STAB2: variants seen among roughly 807,000 people sequenced by gnomAD.
STAB2 encodes the protein stabilin 2, also known as stabilin-2.
A neutral mutation model predicts 338.1 loss-of-function variants in STAB2; 288 were observed. The ratio of observed to expected loss-of-function variants is 0.85; its 90% CI spans 0.77 to 0.94. The LOEUF is 0.94. Among genes scored for constraint, STAB2 ranks in the 40% least tolerant of loss-of-function variants. The pLI is 0.00. For missense variants in STAB2, 3,141 were observed against 3,210.1 expected, an observed-to-expected ratio of 0.98 and a Z score of 0.52; for synonymous variants, 1,202 against 1,193.3, an observed-to-expected ratio of 1.01 and a Z score of -0.15.
At chr12:103,623,829 G>A (rs1378943467) in intron 5 of STAB2, among the ~76,000 whole-genome samples, 2 of 152,110 alleles carry the variant, frequency 1.3e-5, no homozygotes, top group Admixed American at 6.5e-5. Flanking sequence ...TGTTTATAGG[G>A]AGCACCCAGG....
chr12:103,737,596 CTCTCTTTCTCTTT>C (rs1882237318), intron 52 of STAB2, 25 bp from the exon 53 acceptor site: 1 of 1,353,118 alleles, frequency 7.4e-7, no homozygotes, highest in Non-Finnish European at 9.9e-7. Flanking sequence ...CTCTCTCTCT[CTCTCTTTCTCTTT>C]TTTTTTTTTT....
At chr12:103,692,733 G>T in intron 30 of STAB2, 79 bp from the exon 31 acceptor site, 1 of 1,230,710 alleles carries the variant, frequency 8.1e-7, no homozygotes, top group South Asian at 1.3e-5. Context: ...TGCTCAAAAA[G>T]CAGAAACCCC....
intron 44 of STAB2, among the ~76,000 whole-genome samples, chr12:103,718,448 G>A (rs12306776): frequency 0.031 from 4,758 of 152,192 alleles, 240 homozygotes; most frequent in African/African-American, 0.11. Context: ...TTCATATGGG[G>A]ATAGAAGCAC....
intron 54 of STAB2, among the ~76,000 whole-genome samples, 196 bp downstream of exon 54, chr12:103,739,664 C>G (rs562537845): frequency 6.6e-6 from 1 of 151,988 alleles, no homozygotes; most frequent in South Asian, 2.1e-4. Context: ...GCCCAGGCAA[C>G]CTGTCAACCC....
chr12:103,644,556 A>C (rs1873194903), intron 9 of STAB2, among the ~76,000 whole-genome samples: 1 of 150,092 alleles, frequency 6.7e-6, no homozygotes, highest in Admixed American at 6.6e-5. Flanking sequence ...TAAATAAATA[A>C]ATAAATAAAT....
intron 49 of STAB2, among the ~76,000 whole-genome samples, chr12:103,730,653 AG>A (rs943214393): frequency 2.0e-5 from 3 of 152,188 alleles, no homozygotes; most frequent in African/African-American, 7.2e-5. Context: ...GACAAAAAAA[AG>A]TTTCTTGAGA....
chr12:103,612,801 T>C (rs1957146335), intron 3 of STAB2, among the ~76,000 whole-genome samples: 1 of 152,294 alleles, frequency 6.6e-6, no homozygotes, highest in Non-Finnish European at 1.5e-5. Context: ...TCTGTTTTTT[T>C]CCCCATCTCT....
chr12:103,737,936 C>G (rs113108613), intron 53 of STAB2, among the ~76,000 whole-genome samples, 156 bp downstream of exon 53: 1 of 152,122 alleles, frequency 6.6e-6, no homozygotes, highest in Non-Finnish European at 1.5e-5. Context: ...GTTCTTTAGA[C>G]TCAGAAGCAA....
chr12:103,658,239 G>A (rs1006604170), intron 15 of STAB2, among the ~76,000 whole-genome samples: 4 of 152,194 alleles, frequency 2.6e-5, no homozygotes, highest in African/African-American at 9.7e-5. Flanking sequence ...GTTTGGTTTT[G>A]TTTGATTTTG....
intron 18 of STAB2, among the ~76,000 whole-genome samples, chr12:103,665,861 G>A (rs141536626): frequency 8.7e-4 from 133 of 152,274 alleles, no homozygotes; most frequent in African/African-American, 2.8e-3. Context: ...TTCAGTGTTC[G>A]GCTATATTGC....
intron 27 of STAB2, among the ~76,000 whole-genome samples, chr12:103,686,711 A>G (rs1353473498): frequency 1.3e-5 from 2 of 152,120 alleles, no homozygotes; most frequent in African/African-American, 4.8e-5. Flanking sequence ...TCGCCATGTG[A>G]GATACCTCAA....
At chr12:103,682,022 G>C (rs528162407) in intron 25 of STAB2, among the ~76,000 whole-genome samples, 1 of 152,176 alleles carries the variant, frequency 6.6e-6, no homozygotes, top group Admixed American at 6.5e-5. Context: ...TGGAGGTCAG[G>C]ACTTCAACAA....
intron 40 of STAB2, 102 bp from the exon 41 acceptor site, chr12:103,712,265 G>C (rs559283359): frequency 1.1e-5 from 10 of 893,042 alleles, no homozygotes; most frequent in Non-Finnish European, 1.9e-5. Flanking sequence ...AGTGTCTCAT[G>C]GGGGCAGGGG....
intron 37 of STAB2, 124 bp from the exon 38 acceptor site, chr12:103,706,668 C>T: frequency 1.5e-6 from 2 of 1,315,992 alleles, no homozygotes; most frequent in Non-Finnish European, 2.1e-6. Context: ...CCACCCCTCA[C>T]CCACTCCATG....
intron 54 of STAB2, 115 bp downstream of exon 54, chr12:103,739,583 G>T (rs990606538): frequency 3.9e-6 from 3 of 767,086 alleles, no homozygotes; most frequent in Non-Finnish European, 5.6e-6. Flanking sequence ...GCCCGTGCAC[G>T]TATGTTGCAT....
intron 63 of STAB2, among the ~76,000 whole-genome samples, chr12:103,756,926 G>A (rs752987976): frequency 2.0e-5 from 3 of 148,516 alleles, no homozygotes; most frequent in Non-Finnish European, 4.4e-5. Context: ...AAGAAAAGAC[G>A]GTGTCAGAAC....
chr12:103,734,485 A>C (rs1433656495), intron 51 of STAB2, among the ~76,000 whole-genome samples: 2 of 152,144 alleles, frequency 1.3e-5, no homozygotes, highest in African/African-American at 2.4e-5. Context: ...ATATAGGAGC[A>C]TGCACAGTCT....
intron 44 of STAB2, among the ~76,000 whole-genome samples, chr12:103,722,007 G>T (rs1206669332): frequency 6.6e-6 from 1 of 152,202 alleles, no homozygotes; most frequent in Non-Finnish European, 1.5e-5. Context: ...CTGTCTTTTT[G>T]TTGAGTTTGA....
intron 68 of STAB2, among the ~76,000 whole-genome samples, chr12:103,764,838 G>A (rs894842701): frequency 3.3e-5 from 5 of 151,916 alleles, no homozygotes; most frequent in African/African-American, 1.2e-4. Context: ...TGGCTCATGC[G>A]TGTAATCCCA....
Sources: gnomAD v4.1 joint callset for allele counts (sites outside exome capture counted in the v4.1 genomes callset) on GRCh38, gnomAD v4.1.1 for gene constraint, MANE v1.5 for transcripts, NCBI Gene and HGNC (gene_info 2026-07-23, HGNC 2026-07-21) for gene names.